Variants in ADAMTSL1 observed in about 807,000 individuals in gnomAD.
ADAMTSL1 encodes ADAMTS-like protein 1.
Under a neutral mutation model 201.8 loss-of-function variants are expected in ADAMTSL1, and 126 were observed. The observed-to-expected ratio is 0.62, with a 90% CI of 0.54 to 0.72. ADAMTSL1 has a LOEUF of 0.72. ADAMTSL1 is among the 30% of genes least tolerant of loss of function. The pLI, the probability that ADAMTSL1 is intolerant of heterozygous loss-of-function variation, is 0.00. For synonymous variants in ADAMTSL1, 1,121 were observed against 903.4 expected, an observed-to-expected ratio of 1.24 and a Z score of -4.32; for missense variants, 2,679 against 2,277.8, an observed-to-expected ratio of 1.18 and a Z score of -3.59.
At chr9:18,853,918 T>TGTGTGTGTTTGC (rs139332733) in intron 23 of ADAMTSL1, among the ~76,000 whole-genome samples, 77 of 145,490 alleles carry the variant, frequency 5.3e-4, no homozygotes, top group Non-Finnish European at 3.1e-4. Flanking sequence ...TGTGTGTGTG[T>TGTGTGTGTTTGC]GCGCGTGCAT....
intron 2 of ADAMTSL1, among the ~76,000 whole-genome samples, chr9:18,334,059 C>T (rs1353819548): frequency 6.6e-6 from 1 of 152,082 alleles, no homozygotes; most frequent in Non-Finnish European, 1.5e-5. Flanking sequence ...CTCAGATCTG[C>T]CTCCTACTAT....
At chr9:18,797,884 A>G (rs577199631) in intron 20 of ADAMTSL1, among the ~76,000 whole-genome samples, 4 of 152,282 alleles carry the variant, frequency 2.6e-5, no homozygotes, top group African/African-American at 9.6e-5. Flanking sequence ...CAACCTGAAA[A>G]CAATTCTAAA....
intron 1 of ADAMTSL1, among the ~76,000 whole-genome samples, chr9:18,157,640 T>C (rs920149778): frequency 2.0e-5 from 3 of 152,008 alleles, no homozygotes; most frequent in African/African-American, 7.2e-5. Flanking sequence ...TCTAACCTCT[T>C]AGCAATTATC....
At chr9:18,515,604 G>A (rs1380393401) in intron 2 of ADAMTSL1, among the ~76,000 whole-genome samples, 2 of 152,110 alleles carry the variant, frequency 1.3e-5, no homozygotes, top group African/African-American at 4.8e-5. Flanking sequence ...CAAAGTGCTG[G>A]GATTACAGGG....
intron 2 of ADAMTSL1, among the ~76,000 whole-genome samples, chr9:18,296,724 T>A (rs934601529): frequency 2.0e-5 from 3 of 152,216 alleles, no homozygotes; most frequent in African/African-American, 7.2e-5. Context: ...CTGGAATAGC[T>A]GGCTCTAAAT....
chr9:17,967,067 T>A (rs1205759275), intron 1 of ADAMTSL1, among the ~76,000 whole-genome samples: 1 of 152,138 alleles, frequency 6.6e-6, no homozygotes, highest in Non-Finnish European at 1.5e-5. Flanking sequence ...TGTAATATCC[T>A]TAAGTGAGAA....
intron 23 of ADAMTSL1, among the ~76,000 whole-genome samples, chr9:18,875,970 C>G (rs1270183011): frequency 6.6e-5 from 10 of 152,098 alleles, no homozygotes; most frequent in Non-Finnish European, 1.3e-4. Context: ...TCCTGTTGGA[C>G]TAGTCCTTTT....
rs117722440 is a variant in ADAMTSL1 at position 18,116,499 on chromosome 9, T to C, written c.88-47363T>C. ...TTTGCACACATATTTGCCTGTCAGA[T>C]TGGCACATTGCTTGTAATTGTTTCT... On this transcript the variant is annotated intron_variant, in intron 1 of 29. Coordinates refer to the ADAMTSL1 transcript ENST00000680146. Among the ~76,000 whole-genome samples the C allele has an allele frequency of 7.5e-4, 114 of 152,284 alleles. No homozygotes were observed. The East Asian group carries it at 0.022, about 29-fold the overall frequency.
At chr9:18,404,116 T>C (rs773825178) in intron 2 of ADAMTSL1, among the ~76,000 whole-genome samples, 5 of 152,200 alleles carry the variant, frequency 3.3e-5, no homozygotes, top group African/African-American at 4.8e-5. Flanking sequence ...CATAGAAACT[T>C]CTCTCACAAA....
intron 15 of ADAMTSL1, among the ~76,000 whole-genome samples, chr9:18,730,223 C>A (rs1028538004): frequency 6.6e-6 from 1 of 152,146 alleles, no homozygotes; most frequent in African/African-American, 2.4e-5. Context: ...AAGAGTTTTT[C>A]TATTGACCTT....
chr9:18,291,906 C>T (rs995130901), intron 2 of ADAMTSL1, among the ~76,000 whole-genome samples: 3 of 152,052 alleles, frequency 2.0e-5, no homozygotes, highest in South Asian at 2.1e-4. Context: ...TATGCCTTTA[C>T]GCTTTGCAGC....
intron 3 of ADAMTSL1, among the ~76,000 whole-genome samples, chr9:18,569,757 C>T (rs936216688): frequency 2.0e-5 from 3 of 152,198 alleles, no homozygotes; most frequent in Admixed American, 2.0e-4. Context: ...AAGTTCAGTG[C>T]AAAAATATAT....
chr9:18,065,772 G>A (rs946199676), intron 1 of ADAMTSL1, among the ~76,000 whole-genome samples: 1 of 152,092 alleles, frequency 6.6e-6, no homozygotes, highest in Non-Finnish European at 1.5e-5. Context: ...CCTGAAGGCA[G>A]GAGTTCGAGA....
intron 15 of ADAMTSL1, among the ~76,000 whole-genome samples, chr9:18,724,909 C>CT (rs11403576): frequency 0.82 from 121,290 of 148,458 alleles, 49,814 homozygotes; most frequent in Admixed American, 0.88. Flanking sequence ...AGGATTGAAC[C>CT]TTTTTTTTTT....
chr9:18,828,353 T>A (rs1450355880), intron 22 of ADAMTSL1, among the ~76,000 whole-genome samples: 3 of 152,042 alleles, frequency 2.0e-5, no homozygotes, highest in Non-Finnish European at 4.4e-5. Flanking sequence ...AGATGGAAAG[T>A]ACCCTCCCCT....
chr9:18,867,916 A>G (rs1259572606), intron 23 of ADAMTSL1, among the ~76,000 whole-genome samples: 1 of 152,168 alleles, frequency 6.6e-6, no homozygotes, highest in Non-Finnish European at 1.5e-5. Context: ...GTGAGCCACC[A>G]TGCCTGGCTG....
rs191369613 is a variant in ADAMTSL1, at chr9:18,246,760, A to T, written c.207+82779A>T. Among the ~76,000 whole-genome samples the T allele has an allele frequency of 5.5e-4, 84 of 152,336 alleles. No homozygotes were observed. The East Asian group carries it at 7.1e-3, about 13-fold the overall frequency. On this transcript the variant is annotated intron_variant, in intron 2 of 29. Coordinates refer to the ADAMTSL1 transcript ENST00000680146. ...GTAGCAGGAACATACACATACACAC[A>T]TGCACATATGCACATACATACATAA...
intron 13 of ADAMTSL1, among the ~76,000 whole-genome samples, chr9:18,703,710 A>ATATATATATATATATG (rs1370335764): frequency 1.3e-5 from 1 of 77,414 alleles, no homozygotes; most frequent in Non-Finnish European, 2.9e-5. Flanking sequence ...ACATATATAT[A>ATATATATATATATATG]TATATATATA....
intron 2 of ADAMTSL1, among the ~76,000 whole-genome samples, chr9:18,179,847 G>A (rs992982872): frequency 4.6e-5 from 7 of 151,790 alleles, no homozygotes; most frequent in African/African-American, 1.7e-4. Context: ...TCACCACCAG[G>A]CCTGCCCTAA....
Sources: gnomAD v4.1 joint callset for allele counts (sites outside exome capture counted in the v4.1 genomes callset) on GRCh38, gnomAD v4.1.1 for gene constraint, MANE v1.5 for transcripts, NCBI Gene and HGNC (gene_info 2026-07-23, HGNC 2026-07-21) for gene names.